The following FABP12 variants were observed in gnomAD, a reference collection of about 807,000 sequenced individuals.
FABP12 encodes the protein fatty acid-binding protein 12.
Under a neutral mutation model 13.7 loss-of-function variants are expected in FABP12, and 19 were observed. The observed-to-expected ratio is 1.39, with a 90% CI of 0.97 to 2.04. The LOEUF (loss-of-function observed/expected upper bound fraction) is 2.04, where lower values mean the gene tolerates loss of function less well. Among genes scored for constraint, FABP12 ranks in the 30% most tolerant of loss-of-function variants. FABP12 has a pLI of 0.00. For missense variants in FABP12, 182 were observed against 164.2 expected (o/e 1.11, Z -0.59); for synonymous variants, 61 against 57.0 (o/e 1.07, Z -0.32).
chr8:81,529,270 G>T, intron 3 of FABP12, 168 bp downstream of exon 3: 1 of 687,352 alleles, frequency 1.5e-6, no homozygotes, highest in South Asian at 1.9e-5. Flanking sequence ...TTTTTCACAA[G>T]CATCCCAGAA....
At chr8:81,545,592 T>C (rs1203390057) in intron 1 of FABP12, among the ~76,000 whole-genome samples, 1 of 152,242 alleles carries the variant, frequency 6.6e-6, no homozygotes, top group Non-Finnish European at 1.5e-5. Flanking sequence ...AAGGGCTTGC[T>C]TAATTTTATG....
chr8:81,533,793 T>G lies in FABP12; in HGVS notation c.-76+9A>C, dbSNP rs1220790442. Among the ~76,000 whole-genome samples the G allele has an allele frequency of 6.6e-6, 1 of 152,196 alleles. No individual in the cohort carries two copies. The highest frequency in any genetic ancestry group is 1.5e-5 in the Non-Finnish European group (1 of 68,024). ...CATGGGGATCTGCACCACCTGCTCATGCAGTTACCTTAGGACTTCTGGTCT... is the reference window on the plus strand; with the variant it reads ...CATGGGGATCTGCACCACCTGCTCAGGCAGTTACCTTAGGACTTCTGGTCT... On this transcript the variant is annotated intron_variant, in intron 1 of 4. Transcript: ENST00000360464.
At chr8:81,585,924 C>CAAAT in intron 1 of FABP12, among the ~76,000 whole-genome samples, 1 of 152,178 alleles carries the variant, frequency 6.6e-6, no homozygotes, top group South Asian at 2.1e-4. Flanking sequence ...GTTTGGTGTA[C>CAAAT]AAATAATTTT....
chr8:81,551,045 A>G (rs925612869), intron 1 of FABP12, among the ~76,000 whole-genome samples: 5 of 152,194 alleles, frequency 3.3e-5, no homozygotes, highest in Non-Finnish European at 7.4e-5. Flanking sequence ...AGAGACAACC[A>G]GAGCACTCTC....
chr8:81,552,237 G>C (rs184405287), intron 1 of FABP12, among the ~76,000 whole-genome samples: 2 of 152,126 alleles, frequency 1.3e-5, no homozygotes, highest in Non-Finnish European at 2.9e-5. Flanking sequence ...CATTCCAAGC[G>C]GAGATAACAA....
intron 1 of FABP12, among the ~76,000 whole-genome samples, chr8:81,576,492 AACACAAACACACACACACAAAC>A (rs1246954229): frequency 2.6e-5 from 4 of 151,882 alleles, no homozygotes; most frequent in South Asian, 2.1e-4. Flanking sequence ...TGTTATATAT[AACACAAACACACACACACAAAC>A]ACACAAACAC....
intron 3 of FABP12, among the ~76,000 whole-genome samples, chr8:81,527,388 G>A (rs1808933292): frequency 6.6e-6 from 1 of 151,928 alleles, no homozygotes; most frequent in African/African-American, 2.4e-5. Context: ...TTGAGACAGA[G>A]TTTTGCTCTT....
chr8:81,563,478 A>C lies in FABP12; in HGVS notation c.-184-23735T>G, dbSNP rs1809760840. On this transcript the variant is annotated intron_variant, in intron 1 of 5. Coordinates refer to the FABP12 transcript ENST00000692030. ...AGTGACCAATCCTGGAGAGACAGAA[A>C]TACATAACATTTCAGATAGGTAATA... 2.0e-5 allele frequency among the ~76,000 whole-genome samples: 3 copies of C among 152,192 alleles called. No homozygotes were observed. The South Asian group carries it at 6.2e-4, about 32-fold the overall frequency.
chr8:81,544,846 G>A (rs1410908972), intron 1 of FABP12, among the ~76,000 whole-genome samples: 1 of 152,102 alleles, frequency 6.6e-6, no homozygotes, highest in Non-Finnish European at 1.5e-5. Flanking sequence ...AATATCTTAA[G>A]TATAATGGAA....
intron 1 of FABP12, among the ~76,000 whole-genome samples, chr8:81,545,687 A>C (rs973757817): frequency 4.3e-4 from 65 of 152,356 alleles, no homozygotes; most frequent in African/African-American, 1.5e-3. Flanking sequence ...AGTTGTTAGA[A>C]AGTTGTTTCT....
chr8:81,587,295 C>T (rs574801361), intron 1 of FABP12, among the ~76,000 whole-genome samples: 10 of 152,054 alleles, frequency 6.6e-5, no homozygotes, highest in African/African-American at 1.9e-4. Context: ...TAGTTCCAAA[C>T]GAATTTAAGA....
exon 3 of FABP12, chr8:81,529,501 A>G: frequency 6.2e-7 from 1 of 1,613,958 alleles, no homozygotes; most frequent in Non-Finnish European, 8.5e-7. Context: ...AGGAGATCTC[A>G]TTATTTTTAA....
intron 1 of FABP12, among the ~76,000 whole-genome samples, chr8:81,563,461 A>G (rs931085248): frequency 2.0e-5 from 3 of 152,226 alleles, no homozygotes; most frequent in African/African-American, 7.2e-5. Flanking sequence ...CCAGTGACCA[A>G]TCCTGGAGAG....
chr8:81,573,751 G>C (rs540545547), intron 1 of FABP12, among the ~76,000 whole-genome samples: 76 of 152,094 alleles, frequency 5.0e-4, no homozygotes, highest in African/African-American at 1.6e-3. Context: ...TTGATTCTCT[G>C]CTTGTTCACT....
intron 1 of FABP12, among the ~76,000 whole-genome samples, chr8:81,552,423 G>T (rs1289024443): frequency 6.6e-6 from 1 of 152,112 alleles, no homozygotes; most frequent in African/African-American, 2.4e-5. Flanking sequence ...ACCCTAGGGT[G>T]TTGGCAGCTG....
chr8:81,538,629 A>G (rs1326476025), upstream of FABP12, among the ~76,000 whole-genome samples: 1 of 152,098 alleles, frequency 6.6e-6, no homozygotes, highest in African/African-American at 2.4e-5. Context: ...GCCAGAAGAG[A>G]GGCATGAAAA....
At chr8:81,586,919 G>A (rs552420418) in intron 1 of FABP12, among the ~76,000 whole-genome samples, 5 of 152,206 alleles carry the variant, frequency 3.3e-5, no homozygotes, top group South Asian at 2.1e-4. Context: ...GATTTTTATC[G>A]TTTTGGGTTT....
intron 1 of FABP12, among the ~76,000 whole-genome samples, chr8:81,556,206 G>A (rs532285585): frequency 1.0e-3 from 159 of 152,308 alleles, no homozygotes; most frequent in African/African-American, 3.7e-3. Flanking sequence ...ATGGAAAGCC[G>A]GCAGGAATGT....
rs72603869 is a variant in FABP12, at chr8:81,580,352, G to A, written c.-185+9701C>T. 0.028 allele frequency among the ~76,000 whole-genome samples: 4,181 copies of A among 151,876 alleles called. 448 individuals are homozygous for A. In the East Asian group the frequency reaches 0.39, roughly 14 times the overall value. On this transcript the variant is annotated intron_variant, in intron 1 of 5. Transcript: ENST00000692030. ...GAAATAGAAACTAATACACTTACAT[G>A]CCTTTAGATGAACTCTATTTTACTT... is the stretch of plus-strand genomic sequence containing the variant.
Sources: gnomAD v4.1 joint callset for allele counts (sites outside exome capture counted in the v4.1 genomes callset) on GRCh38, gnomAD v4.1.1 for gene constraint, MANE v1.5 for transcripts, NCBI Gene and HGNC (gene_info 2026-07-23, HGNC 2026-07-21) for gene names.